Variants in DCLK1 observed in about 807,000 individuals in gnomAD.
DCLK1 encodes serine/threonine-protein kinase DCLK1.
A neutral mutation model predicts 86.2 loss-of-function variants in DCLK1; 16 were observed. That is an observed-to-expected ratio of 0.19 (90% confidence interval 0.13 to 0.28). DCLK1 has a LOEUF of 0.28. Ranked by LOEUF, DCLK1 falls within the 10% of genes least tolerant of loss-of-function variation. The probability of loss-of-function intolerance (pLI) is 1.00; values close to 1 mark genes in which losing one functional copy is unlikely to be tolerated. For synonymous variants in DCLK1, 369 were observed against 370.5 expected (o/e 1.00, Z 0.05); for missense variants, 590 against 940.2 (o/e 0.63, Z 4.87).
intron 2 of DCLK1, among the ~76,000 whole-genome samples, chr13:36,114,487 C>T (rs1885714051): frequency 6.6e-6 from 1 of 152,164 alleles, no homozygotes; most frequent in Non-Finnish European, 1.5e-5. Context: ...CCACCAAATC[C>T]AAGATCACAC....
intron 3 of DCLK1, among the ~76,000 whole-genome samples, chr13:36,012,251 T>C (rs1180015218): frequency 1.4e-5 from 2 of 145,362 alleles, no homozygotes; most frequent in Non-Finnish European, 3.0e-5. Flanking sequence ...TTGTTATGTG[T>C]GAATTTGATC....
chr13:36,032,607 T>A (rs939316966), intron 3 of DCLK1, among the ~76,000 whole-genome samples: 1 of 152,150 alleles, frequency 6.6e-6, no homozygotes. Context: ...ATAGGTCAAA[T>A]GGACTCTGAT....
intron 4 of DCLK1, among the ~76,000 whole-genome samples, chr13:35,893,323 T>C (rs1566589631): frequency 6.6e-6 from 1 of 152,142 alleles, no homozygotes; most frequent in Non-Finnish European, 1.5e-5. Flanking sequence ...TTTTTGAACA[T>C]CCACTGTGTG....
chr13:35,965,625 G>A (rs1311770303), intron 3 of DCLK1, among the ~76,000 whole-genome samples: 3 of 152,156 alleles, frequency 2.0e-5, no homozygotes, highest in East Asian at 1.9e-4. Flanking sequence ...AAGATCATTA[G>A]AAAGCAGCTA....
At chr13:36,089,096 G>T (rs1408679832) in intron 3 of DCLK1, among the ~76,000 whole-genome samples, 1 of 152,174 alleles carries the variant, frequency 6.6e-6, no homozygotes, top group South Asian at 2.1e-4. Flanking sequence ...GAGGTGAAAA[G>T]TCTGAAATTA....
intron 3 of DCLK1, among the ~76,000 whole-genome samples, chr13:35,974,526 C>T (rs922092062): frequency 2.6e-5 from 4 of 152,086 alleles, no homozygotes; most frequent in East Asian, 1.9e-4. Flanking sequence ...ATCTTGGGGG[C>T]GGATATCCCC....
chr13:35,994,853 T>G (rs552155978), intron 3 of DCLK1, among the ~76,000 whole-genome samples: 2 of 152,328 alleles, frequency 1.3e-5, no homozygotes, highest in East Asian at 3.9e-4. Context: ...CATTACTATC[T>G]TATCCACTGC....
rs77347588 is a variant in DCLK1, at chr13:36,104,411, C to T, written c.723+7458G>A. On this transcript the variant is annotated intron_variant, in intron 3 of 16. Coordinates refer to ENST00000360631, the MANE Select transcript of DCLK1 (RefSeq NM_001330071.2). ...GGAGACAGGCATTACAATAGACCAG[C>T]ATAATGAAGATTTGCATGGCTACAT... Among the ~76,000 whole-genome samples the T allele has an allele frequency of 4.8e-3, 735 of 152,276 alleles. 8 individuals carry two copies. The highest frequency in any genetic ancestry group is 0.017 in the African/African-American group (709 of 41,550).
intron 8 of DCLK1, among the ~76,000 whole-genome samples, chr13:35,830,051 G>A (rs548488105): frequency 6.6e-6 from 1 of 152,318 alleles, no homozygotes; most frequent in East Asian, 1.9e-4. Flanking sequence ...GGGTAGAGGA[G>A]GAGAAGGCAC....
intron 16 of DCLK1, among the ~76,000 whole-genome samples, chr13:35,792,546 C>T (rs1015285123): frequency 1.3e-5 from 2 of 152,052 alleles, no homozygotes; most frequent in African/African-American, 4.8e-5. Context: ...AGAAGAAAAA[C>T]AGCTCAAGTG....
chr13:35,769,514 A>G lies in DCLK1; in HGVS notation c.*5021T>C, dbSNP rs2086292075. On this transcript the variant is annotated 3_prime_UTR_variant, in exon 17 of 17. Coordinates refer to ENST00000360631, the MANE Select transcript of DCLK1 (RefSeq NM_001330071.2). Reference sequence around the variant, plus strand: ...TGACTATAACCTTGGACCAGTTTCAATTTCTTTTTATTTTTTCTGAGAATA... The same window carrying G: ...TGACTATAACCTTGGACCAGTTTCAGTTTCTTTTTATTTTTTCTGAGAATA... 2 of 152,114 alleles carry G rather than the reference A, an allele frequency of 1.3e-5. No individual in the cohort carries two copies. Among genetic ancestry groups the G allele is most frequent in the South Asian group, 4.1e-4 (2 of 4,832 alleles). 9.4% of individuals were successfully genotyped at this position (152,114 alleles called of 1,614,324 possible).
chr13:35,994,322 C>T (rs1403215599), intron 3 of DCLK1, among the ~76,000 whole-genome samples: 1 of 152,136 alleles, frequency 6.6e-6, no homozygotes, highest in Non-Finnish European at 1.5e-5. Flanking sequence ...AGCGTGAAAA[C>T]AGGAAAGTGG....
chr13:35,780,128 T>TTGTG (rs755981765), intron 16 of DCLK1, among the ~76,000 whole-genome samples: 1 of 151,886 alleles, frequency 6.6e-6, no homozygotes, highest in East Asian at 1.9e-4. Flanking sequence ...CAACTTGATT[T>TTGTG]TGTGTGTGTG....
chr13:35,963,860 G>A (rs2153137820), intron 3 of DCLK1, among the ~76,000 whole-genome samples: 1 of 152,140 alleles, frequency 6.6e-6, no homozygotes, highest in South Asian at 2.1e-4. Flanking sequence ...GTTTCCTGAG[G>A]CCTCCCCAGC....
chr13:35,919,689 G>A (rs181125765), intron 4 of DCLK1, among the ~76,000 whole-genome samples: 28 of 152,078 alleles, frequency 1.8e-4, no homozygotes, highest in East Asian at 5.8e-4. Flanking sequence ...GGCTGGGAGC[G>A]GTGGCTCATG....
Position 35,771,340 on chromosome 13 carries a change from T to C in DCLK1, c.*3195A>G, listed in dbSNP as rs919980884. Reference sequence around the variant, plus strand: ...GTCTCATTGAACACAAAACACCAAGTGTTTTCAGTAGTTTATTCACATTTT... The same window carrying C: ...GTCTCATTGAACACAAAACACCAAGCGTTTTCAGTAGTTTATTCACATTTT... On this transcript the variant is annotated 3_prime_UTR_variant, in exon 17 of 17. Transcript: ENST00000360631. 1 of 152,190 alleles carries C rather than the reference T, an allele frequency of 6.6e-6. No individual in the cohort carries two copies. The highest frequency in any genetic ancestry group is 1.5e-5 in the Non-Finnish European group (1 of 68,034). 9.4% of individuals were successfully genotyped at this position (152,190 alleles called of 1,614,324 possible). A position where few individuals can be genotyped will look rare whatever the true frequency, so the allele number is the denominator to read the frequency against.
At chr13:35,842,125 A>G (rs1869844983) in intron 6 of DCLK1, among the ~76,000 whole-genome samples, 1 of 141,870 alleles carries the variant, frequency 7.0e-6, no homozygotes, top group Non-Finnish European at 1.5e-5. Context: ...GCTAATCGGG[A>G]GGCTGAGGCA....
In DCLK1 at chr13:35,774,480, A is replaced by T. The variant is rs532182307; in HGVS notation, c.*55T>A. ...AACTGTTTTACACAAATTTGGGGGA[A>T]AAAAATCTCAGAGTCTCAAAGGGTT... On this transcript the variant is annotated 3_prime_UTR_variant, in exon 17 of 17. Coordinates refer to ENST00000360631, the MANE Select transcript of DCLK1 (RefSeq NM_001330071.2). The T allele has an allele frequency of 4.1e-5, 63 of 1,540,104 alleles. No individual in the cohort carries two copies. The African/African-American group carries it at 7.7e-4, about 19-fold the overall frequency.
At position 35,958,114 on chromosome 13, in the gene DCLK1, C is replaced by CCACCACTATAACCACCATCATCAT; in HGVS notation, c.724-10658_724-10657insATGATGATGGTGGTTATAGTGGTG. 1.5e-5 allele frequency among the ~76,000 whole-genome samples: 2 copies of CCACCACTATAACCACCATCATCAT among 135,638 alleles called. 1 individual carries two copies. Among genetic ancestry groups the CCACCACTATAACCACCATCATCAT allele is most frequent in the East Asian group, 5.6e-4 (2 of 3,564 alleles). The allele number at this position is 135,638 out of a possible 152,430, so 89.0% of individuals were successfully genotyped here. A position where few individuals can be genotyped will look rare whatever the true frequency, so the allele number is the denominator to read the frequency against. On this transcript the variant is annotated intron_variant, in intron 3 of 16. Transcript: ENST00000360631. ...ATCACCACCGCTATAACCACCATCACCACCACCACTACCACTACTATAACC... is the reference window on the plus strand; with the variant it reads ...ATCACCACCGCTATAACCACCATCACCACCACTATAACCACCATCATCATCACCACCACTACCACTACTATAACC...
Sources: gnomAD v4.1 joint callset for allele counts (sites outside exome capture counted in the v4.1 genomes callset) on GRCh38, gnomAD v4.1.1 for gene constraint, MANE v1.5 for transcripts, NCBI Gene and HGNC (gene_info 2026-07-23, HGNC 2026-07-21) for gene names.